ANKRD30BL: variants seen among roughly 807,000 people sequenced by gnomAD.
The protein encoded by ANKRD30BL is ankyrin repeat domain 30B like, also known as putative ankyrin repeat domain-containing protein 30B-like.
Under a neutral mutation model 18.4 loss-of-function variants are expected in ANKRD30BL, and 20 were observed. The ratio of observed to expected loss-of-function variants is 1.09; its 90% CI spans 0.77 to 1.58. The LOEUF (loss-of-function observed/expected upper bound fraction) is 1.58, where lower values mean the gene tolerates loss of function less well. Ranked by LOEUF, ANKRD30BL falls within the 40% of genes most tolerant of loss-of-function variation. ANKRD30BL has a pLI of 0.00. For synonymous variants in ANKRD30BL, 72 were observed against 100.9 expected (o/e 0.71, Z 1.72); for missense variants, 224 against 268.6 (o/e 0.83, Z 1.16).
intron 1 of ANKRD30BL, among the ~76,000 whole-genome samples, chr2:132,190,406 TA>T (rs1267663587): frequency 6.6e-6 from 1 of 150,822 alleles, no homozygotes; most frequent in East Asian, 2.0e-4. Context: ...TTTCCAAACA[TA>T]AAAAACAGGT....
At chr2:132,238,741 A>C (rs112608041) in intron 1 of ANKRD30BL, among the ~76,000 whole-genome samples, 1 of 151,924 alleles carries the variant, frequency 6.6e-6, no homozygotes, top group Non-Finnish European at 1.5e-5. Context: ...AAAATCTGCA[A>C]GTGGATATGT....
chr2:132,198,223 GTCTC>G (rs891065773), intron 1 of ANKRD30BL, among the ~76,000 whole-genome samples: 60 of 148,992 alleles, frequency 4.0e-4, no homozygotes, highest in African/African-American at 1.4e-3. Flanking sequence ...AAGATGCTTA[GTCTC>G]TCTTTTTCTC....
intron 1 of ANKRD30BL, among the ~76,000 whole-genome samples, chr2:132,167,210 G>A (rs116631683): frequency 0.22 from 32,679 of 148,684 alleles, 3,741 homozygotes; most frequent in Non-Finnish European, 0.26. Flanking sequence ...TCTTGTACAA[G>A]CTAGAGAAGA....
At chr2:132,202,803 G>A (rs1176443891) in intron 1 of ANKRD30BL, among the ~76,000 whole-genome samples, 2 of 152,114 alleles carry the variant, frequency 1.3e-5, no homozygotes, top group African/African-American at 4.8e-5. Flanking sequence ...TACAACATTT[G>A]AAGGCCCATT....
intron 1 of ANKRD30BL, among the ~76,000 whole-genome samples, chr2:132,202,747 T>C (rs1573837101): frequency 6.6e-6 from 1 of 152,072 alleles, no homozygotes; most frequent in East Asian, 1.9e-4. Context: ...ACCATATATA[T>C]ACCTGTGTAT....
intron 4 of ANKRD30BL, chr2:132,153,593 A>G (rs1687822726): frequency 5.6e-6 from 4 of 708,522 alleles, no homozygotes; most frequent in South Asian, 4.0e-5. Flanking sequence ...ACGTTCTGCA[A>G]TCATTCCACA....
intron 3 of ANKRD30BL, chr2:132,155,120 T>A (rs1005458954): frequency 1.2e-5 from 2 of 160,606 alleles, no homozygotes; most frequent in African/African-American, 4.8e-5. Flanking sequence ...AAATTAGTAA[T>A]CTAAATTATT....
At position 132,233,465 on chromosome 2, in the gene ANKRD30BL, G is replaced by T. The variant is rs1287199272; in HGVS notation, n.441+24064C>A. Among the ~76,000 whole-genome samples the T allele has an allele frequency of 3.6e-5, 5 of 140,114 alleles. No homozygotes were observed. In the East Asian group the frequency reaches 8.3e-4, roughly 23 times the overall value. The allele number at this position is 140,114 out of a possible 152,430, so 91.9% of individuals were successfully genotyped here. ...CATCTCATGTGCAGAGACACACATA[G>T]GCTCAAAATAAAAGGATGGAGGAAG... On this transcript the variant is annotated intron_variant and non_coding_transcript_variant, in intron 1 of 4. Coordinates refer to the ANKRD30BL transcript ENST00000470729.
chr2:132,236,628 C>G (rs974781185), intron 1 of ANKRD30BL, among the ~76,000 whole-genome samples: 3 of 152,032 alleles, frequency 2.0e-5, no homozygotes, highest in African/African-American at 4.8e-5. Context: ...GGAAACAACA[C>G]ATGCTGGAGA....
chr2:132,200,240 G>A (rs1679067237), intron 1 of ANKRD30BL, among the ~76,000 whole-genome samples: 1 of 151,540 alleles, frequency 6.6e-6, no homozygotes. Context: ...GCACAAGACA[G>A]GGATGCCCTC....
At chr2:132,232,854 G>GAGAA (rs1280591510) in intron 1 of ANKRD30BL, among the ~76,000 whole-genome samples, 1 of 151,886 alleles carries the variant, frequency 6.6e-6, no homozygotes, top group African/African-American at 2.4e-5. Context: ...GATACTCCTC[G>GAGAA]AGAAGAGCAA....
Position 132,254,320 on chromosome 2 carries a change from C to T in ANKRD30BL, n.441+3209G>A, listed in dbSNP as rs1298593087. On this transcript the variant is annotated intron_variant and non_coding_transcript_variant, in intron 1 of 4. Coordinates refer to the ANKRD30BL transcript ENST00000470729. ...CAGCCAAGGAGGAAGGACATGGCGG[C>T]GTCTCCGTGGCTTCGCTCTTCTCTG... Among the ~76,000 whole-genome samples the T allele has an allele frequency of 9.9e-5, 15 of 151,412 alleles. 1 individual carries two copies. The highest frequency in any genetic ancestry group is 4.2e-4 in the South Asian group (2 of 4,796).
At chr2:132,187,722 A>ATCTACT (rs1688593058) in intron 1 of ANKRD30BL, among the ~76,000 whole-genome samples, 1 of 151,610 alleles carries the variant, frequency 6.6e-6, no homozygotes, top group South Asian at 2.1e-4. Flanking sequence ...AATTAAGTGA[A>ATCTACT]TCTACTTAAA....
intron 1 of ANKRD30BL, among the ~76,000 whole-genome samples, chr2:132,231,994 T>C (rs375362564): frequency 1.3e-5 from 2 of 152,298 alleles, no homozygotes; most frequent in South Asian, 2.1e-4. Context: ...ATCTGAGAAC[T>C]GGCAGACTGC....
rs531792109 is a variant in ANKRD30BL at position 132,157,129 on chromosome 2, C to A, written c.351G>T (p.Arg117Ser). The change falls in exon 3 of 6, where the codon AGG becomes AGT. Residue 117 changes from arginine to serine, a missense_variant. Transcript: ENST00000409867. ...CTATGAGAATATTTGCACAAGCCTCCCTCTGGCATTGCAGAGCCTGTCAGT... is the reference window on the plus strand; with the variant it reads ...CTATGAGAATATTTGCACAAGCCTCACTCTGGCATTGCAGAGCCTGTCAGT... ...TILMKALQCQ[R>S]EACANILIDS... The A allele has an allele frequency of 2.8e-5, 40 of 1,438,780 alleles. No homozygotes were observed. In the African/African-American group the frequency reaches 5.4e-4, roughly 19 times the overall value. The allele number at this position is 1,438,780 out of a possible 1,614,324, so 89.1% of individuals were successfully genotyped here.
chr2:132,161,588 T>C lies in ANKRD30BL; in HGVS notation c.118A>G (p.Arg40Gly), dbSNP rs1219364819. Residue 40 changes from arginine to glycine, a missense_variant, in exon 1 of 6, where the codon AGG becomes GGG. Around this residue, in one of 3 missense-constraint regions of ANKRD30BL, gnomAD observed 131 missense variants for 128.8 expected, o/e 1.02. Coordinates refer to ENST00000409867, the MANE Select transcript of ANKRD30BL (RefSeq NM_001358416.1). ...DSYVIHHGDL[R>G]KIHKAASRGQ... The stretch of plus-strand genomic sequence containing the variant: ...CGGGAGGCAGCTTTGTGGATCTTCC[T>C]GAGATCCCCATGGTGAATCACGTAA... The C allele has an allele frequency of 2.8e-6, 4 of 1,452,926 alleles. No individual in the cohort carries two copies. The highest frequency in any genetic ancestry group is 9.4e-7 in the Non-Finnish European group (1 of 1,059,912). The allele number at this position is 1,452,926 out of a possible 1,614,324, so 90.0% of individuals were successfully genotyped here.
At chr2:132,194,047 TCTCTCTCTCA>T (rs1490594908) in intron 1 of ANKRD30BL, among the ~76,000 whole-genome samples, 1,580 of 132,724 alleles carry the variant, frequency 0.012, 25 homozygotes, top group African/African-American at 0.046. Context: ...TCTCTCTCTC[TCTCTCTCTCA>T]CACACACACA....
chr2:132,154,994 G>A (rs1687863202), intron 3 of ANKRD30BL: 1 of 366,920 alleles, frequency 2.7e-6, no homozygotes, highest in Non-Finnish European at 5.0e-6. Context: ...TCATTATATT[G>A]TAATGATTTT....
chr2:132,255,400 T>C (rs1049535360), intron 1 of ANKRD30BL, among the ~76,000 whole-genome samples: 12 of 151,916 alleles, frequency 7.9e-5, no homozygotes, highest in African/African-American at 2.7e-4. Context: ...TCTAATTTTT[T>C]CAAAGTAAGT....
Sources: allele counts gnomAD v4.1 joint callset (sites outside exome capture counted in the v4.1 genomes callset), GRCh38; gene constraint gnomAD v4.1.1; regional missense constraint gnomAD v4.1.1; transcripts MANE v1.5; gene names NCBI Gene and HGNC (gene_info 2026-07-23, HGNC 2026-07-21).